Variants in SMG1 observed in about 807,000 individuals in gnomAD.
SMG1 encodes the protein SMG1 nonsense mediated mRNA decay associated PI3K related kinase, also known as serine/threonine-protein kinase SMG1.
A neutral mutation model predicts 419.9 loss-of-function variants in SMG1; 22 were observed. The ratio of observed to expected loss-of-function variants is 0.05; its 90% CI spans 0.04 to 0.07. The LOEUF is 0.07. SMG1 is among the 10% of genes least tolerant of loss of function. The pLI is 1.00. For missense variants in SMG1, 3,185 were observed against 4,342.0 expected (o/e 0.73, Z 7.49); for synonymous variants, 1,538 against 1,553.5 (o/e 0.99, Z 0.23).
chr16:18,814,746 T>TTTGTA (rs2031833717), intron 60 of SMG1, among the ~76,000 whole-genome samples: 1 of 151,778 alleles, frequency 6.6e-6, no homozygotes, highest in African/African-American at 2.4e-5. Flanking sequence ...AGCTAATTTT[T>TTTGTA]TTTGTATTTT....
intron 15 of SMG1, among the ~76,000 whole-genome samples, chr16:18,871,803 G>C (rs1289340012): frequency 1.3e-5 from 2 of 151,932 alleles, no homozygotes; most frequent in African/African-American, 4.8e-5. Flanking sequence ...GCTGGGTGTG[G>C]TGGCGGGCAC....
At chr16:18,885,752 T>C in intron 6 of SMG1, 86 bp from the exon 7 acceptor site, 2 of 1,253,886 alleles carry the variant, frequency 1.6e-6, no homozygotes, top group Non-Finnish European at 1.1e-6. Flanking sequence ...ACTGACTACA[T>C]AAAAAACTGA....
rs71141092 is a variant in SMG1 at position 18,907,845 on chromosome 16, C to CAAAAAAAAAAAAAAAAAAAAA, written c.93-10910_93-10890dup. Reference sequence around the variant, plus strand: ...CCCACCTAGGCGACAGAACGAGACTCAAAAAAAAAAAAAAAAAAAAAAAAG... The same window carrying CAAAAAAAAAAAAAAAAAAAAA: ...CCCACCTAGGCGACAGAACGAGACTCAAAAAAAAAAAAAAAAAAAAAAAAAAAAAAAAAAAAAAAAAAAAAG... On this transcript the variant is annotated intron_variant, in intron 1 of 62. Coordinates refer to ENST00000446231, the MANE Select transcript of SMG1 (RefSeq NM_015092.5). 3.6e-5 allele frequency among the ~76,000 whole-genome samples: 2 copies of CAAAAAAAAAAAAAAAAAAAAA among 54,976 alleles called. 1 individual carries two copies. The highest frequency in any genetic ancestry group is 1.3e-4 in the African/African-American group (2 of 15,180). The allele number at this position is 54,976 out of a possible 152,430, so 36.1% of individuals were successfully genotyped here. A position where few individuals can be genotyped will look rare whatever the true frequency, so the allele number is the denominator to read the frequency against.
rs189351478 is a variant in SMG1 at position 18,809,035 on chromosome 16, C to G, written c.*534G>C. 20 of 153,990 alleles carry G rather than the reference C, an allele frequency of 1.3e-4. 1 individual carries two copies. In the South Asian group the frequency reaches 2.8e-3, roughly 22 times the overall value. The allele number at this position is 153,990 out of a possible 1,614,324, so 9.5% of individuals were successfully genotyped here. ...CATTTCTGAAATTCATATCGCATAG[C>G]CTTTAGCCTTTTTCTACTTACTGGT... On this transcript the variant is annotated 3_prime_UTR_variant, in exon 63 of 63. Transcript: ENST00000446231.
intron 42 of SMG1, among the ~76,000 whole-genome samples, chr16:18,839,215 A>T (rs2033766188): frequency 6.6e-6 from 1 of 152,132 alleles, no homozygotes; most frequent in South Asian, 2.1e-4. Flanking sequence ...TTTTAGGTTT[A>T]GAGGGACATG....
intron 25 of SMG1, among the ~76,000 whole-genome samples, chr16:18,863,001 T>G (rs1326083764): frequency 6.6e-6 from 1 of 152,252 alleles, no homozygotes; most frequent in African/African-American, 2.4e-5. Context: ...GAGGTTCAAT[T>G]AATCCTTCTA....
rs369888500 is a variant in SMG1, at chr16:18,854,910, G to C, written c.4235-6C>G. 1.9e-6 allele frequency: 3 copies of C among 1,610,110 alleles called. No individual in the cohort carries two copies. Among genetic ancestry groups the C allele is most frequent in the Non-Finnish European group, 2.5e-6 (3 of 1,178,654 alleles). On this transcript the variant is annotated splice_polypyrimidine_tract_variant and splice_region_variant and intron_variant, in intron 29 of 62. Transcript: ENST00000446231. Reference sequence around the variant, plus strand: ...TCTAATTGGGACTGTTTGTTCTGAAGAGAGGAAAACGTTTTATTAGTTCCT... The same window carrying C: ...TCTAATTGGGACTGTTTGTTCTGAACAGAGGAAAACGTTTTATTAGTTCCT...
Position 18,829,359 on chromosome 16 carries a change from C to T in SMG1, c.9530G>A (p.Arg3177Gln), listed in dbSNP as rs765439624. ...DTAWKKHDLV[R>Q]RLETSISSCK... ...AGAAGAAATACTGGTTTCTAGCCTT[C>T]GCACCAAGTCATGCTTCTTCCAGGC... Residue 3177 changes from arginine to glutamine, a missense_variant, in exon 54 of 63, where the codon CGA becomes CAA. Arg to Gln is a conservative substitution (Grantham distance 43). Coordinates refer to ENST00000446231, the MANE Select transcript of SMG1 (RefSeq NM_015092.5). 1.7e-5 allele frequency: 27 copies of T among 1,613,888 alleles called. No individual in the cohort carries two copies. The highest frequency in any genetic ancestry group is 2.7e-5 in the African/African-American group (2 of 74,908).
intron 1 of SMG1, among the ~76,000 whole-genome samples, chr16:18,909,717 T>C (rs1224272470): frequency 6.6e-6 from 1 of 152,140 alleles, no homozygotes; most frequent in Admixed American, 6.5e-5. Flanking sequence ...TGTAGGAAAA[T>C]GTATTAAATG....
chr16:18,916,877 C>A (rs57551596), intron 1 of SMG1, among the ~76,000 whole-genome samples: 10,634 of 151,856 alleles, frequency 0.07, 381 homozygotes, highest in African/African-American at 0.094. Context: ...TTGTTTTAGG[C>A]GATTAGGATA....
rs2033476208 is a variant in SMG1, at chr16:18,835,173, A to G, written c.8058-9T>C. ...CATATTGCATTTCATATCTATAAAA[A>G]TAAGGAAGAGGTGCTTGTTTATAAC... On this transcript the variant is annotated splice_polypyrimidine_tract_variant and intron_variant, in intron 48 of 62. Coordinates refer to ENST00000446231, the MANE Select transcript of SMG1 (RefSeq NM_015092.5). 1.3e-6 allele frequency: 2 copies of G among 1,599,814 alleles called. No individual in the cohort carries two copies. Among genetic ancestry groups the G allele is most frequent in the Non-Finnish European group, 1.7e-6 (2 of 1,168,764 alleles).
At position 18,816,444 on chromosome 16, in the gene SMG1, C is replaced by G. The variant is rs991411912; in HGVS notation, c.10160G>C (p.Arg3387Thr). ...KQLTQDMSTQRAIQTEKEQQI... is the reference protein window; with the variant it reads ...KQLTQDMSTQTAIQTEKEQQI... Reference sequence around the variant, plus strand: ...CTGCTCTTTCTCTGTCTGAATTGCCCTCTGAGTAGACATATCCTGGGTCAA... The same window carrying G: ...CTGCTCTTTCTCTGTCTGAATTGCCGTCTGAGTAGACATATCCTGGGTCAA... The change falls in exon 58 of 63, where the codon AGG (arginine) becomes ACG (threonine). Residue 3387 changes from arginine (R) to threonine (T), a missense_variant. Physicochemically the swap from Arg to Thr is moderately conservative, Grantham distance 71 (BLOSUM62 -1). Coordinates refer to ENST00000446231, the MANE Select transcript of SMG1 (RefSeq NM_015092.5). 4 of 1,613,816 alleles carry G rather than the reference C, an allele frequency of 2.5e-6. No individual in the cohort carries two copies. The highest frequency in any genetic ancestry group is 1.6e-4 in the Middle Eastern group (1 of 6,084).
At chr16:18,851,570 T>C (rs1293924317) in intron 33 of SMG1, among the ~76,000 whole-genome samples, 1 of 152,240 alleles carries the variant, frequency 6.6e-6, no homozygotes, top group Non-Finnish European at 1.5e-5. Context: ...TTAATAACTT[T>C]TTTTTCTTTT....
At chr16:18,906,376 G>A (rs142050014) in intron 1 of SMG1, among the ~76,000 whole-genome samples, 2 of 152,108 alleles carry the variant, frequency 1.3e-5, no homozygotes, top group African/African-American at 4.8e-5. Context: ...CCAGCTACAC[G>A]GGAGACTGAC....
At chr16:18,895,967 G>C in intron 3 of SMG1, 85 bp downstream of exon 3, 2 of 1,181,524 alleles carry the variant, frequency 1.7e-6, no homozygotes, top group Non-Finnish European at 2.5e-6. Context: ...GCCTGTGCAA[G>C]GCGTTAGTAA....
Position 18,859,605 on chromosome 16 carries a change from T to C in SMG1, c.3904A>G (p.Thr1302Ala). The change falls in exon 27 of 63, where the codon ACT becomes GCT. Residue 1302 changes from threonine (T) to alanine (A), a missense_variant. Around this residue, in one of 27 missense-constraint regions of SMG1, gnomAD observed 120 missense variants for 193.3 expected, o/e 0.62. Coordinates refer to ENST00000446231, the MANE Select transcript of SMG1 (RefSeq NM_015092.5). Reference protein sequence around the residue: ...QLLRSSVCLATALNPIEQDQK... With the variant: ...QLLRSSVCLAAALNPIEQDQK... ...TCTTGTTCTATCGGGTTTAAAGCAGTTGCCAAACAAACAGAACTTCTTAAC... is the reference window on the plus strand; with the variant it reads ...TCTTGTTCTATCGGGTTTAAAGCAGCTGCCAAACAAACAGAACTTCTTAAC... 1.2e-6 allele frequency: 2 copies of C among 1,606,926 alleles called. No individual in the cohort carries two copies. Among genetic ancestry groups the C allele is most frequent in the Non-Finnish European group, 8.5e-7 (1 of 1,173,934 alleles).
In SMG1 at chr16:18,850,043, T is replaced by C. The variant is rs776935317; in HGVS notation, c.5367A>G (p.Thr1789=). The C allele has an allele frequency of 5.0e-6, 8 of 1,613,908 alleles. No homozygotes were observed. The highest frequency in any genetic ancestry group is 6.8e-6 in the Non-Finnish European group (8 of 1,179,910). Residue 1789 remains threonine, a synonymous_variant, in exon 35 of 63, where the codon ACA becomes ACG. Coordinates refer to ENST00000446231, the MANE Select transcript of SMG1 (RefSeq NM_015092.5). The part of the protein sequence containing the change: ...QSTDDMIVMA[T]LRLLRLLVKH... Reference sequence around the variant, plus strand: ...TCACGAGCAACCGCAGCAGGCGCAATGTGGCCATCACAATCATGTCATCAG... The same window carrying C: ...TCACGAGCAACCGCAGCAGGCGCAACGTGGCCATCACAATCATGTCATCAG...
At chr16:18,891,531 G>A (rs2036880251) in intron 4 of SMG1, among the ~76,000 whole-genome samples, 2 of 151,890 alleles carry the variant, frequency 1.3e-5, no homozygotes, top group Non-Finnish European at 2.9e-5. Context: ...CGTTTCCTGG[G>A]TTCAAGCGAT....
At chr16:18,821,074 CTACT>C (rs966594506) in intron 55 of SMG1, among the ~76,000 whole-genome samples, 6 of 152,128 alleles carry the variant, frequency 3.9e-5, no homozygotes, top group African/African-American at 1.4e-4. Context: ...TTGTTAGCTA[CTACT>C]AATAAACAAA....
Sources: allele counts gnomAD v4.1 joint callset (sites outside exome capture counted in the v4.1 genomes callset), GRCh38; gene constraint gnomAD v4.1.1; regional missense constraint gnomAD v4.1.1; transcripts MANE v1.5; gene names NCBI Gene and HGNC (gene_info 2026-07-23, HGNC 2026-07-21).